Variants in CUEDC1 observed in about 807,000 individuals in gnomAD.
CUEDC1 encodes CUE domain-containing protein 1.
Under a neutral mutation model 43.7 loss-of-function variants are expected in CUEDC1, and 30 were observed. That is an observed-to-expected ratio of 0.69 (90% CI 0.51 to 0.93). The LOEUF is 0.93. CUEDC1 is among the 40% of genes least tolerant of loss of function. CUEDC1 has a pLI of 0.00. For missense variants in CUEDC1, 486 were observed against 549.0 expected (o/e 0.89, Z 1.15); for synonymous variants, 223 against 223.6 (o/e 1.00, Z 0.02).
intron 8 of CUEDC1, 114 bp from the exon 9 acceptor site, chr17:57,867,529 C>G: frequency 1.1e-6 from 1 of 904,548 alleles, no homozygotes; most frequent in Admixed American, 2.0e-5. Flanking sequence ...CCTGACACAC[C>G]CACCTGACCC....
chr17:57,877,048 G>T (rs758616314), intron 3 of CUEDC1, among the ~76,000 whole-genome samples: 15 of 152,182 alleles, frequency 9.9e-5, no homozygotes, highest in Non-Finnish European at 2.2e-4. Context: ...GAAGAAAGGG[G>T]TGGGGAGAAC....
chr17:57,922,579 GA>G (rs1439559648), intron 1 of CUEDC1: 4 of 152,184 alleles, frequency 2.6e-5, no homozygotes, highest in Non-Finnish European at 5.9e-5. Context: ...AATGGCAAAA[GA>G]AGCCTCGGGG....
At chr17:57,883,518 G>A (rs2074244440) in intron 2 of CUEDC1, among the ~76,000 whole-genome samples, 2 of 152,206 alleles carry the variant, frequency 1.3e-5, no homozygotes, top group South Asian at 4.1e-4. Context: ...GAGGTCAGGA[G>A]TTCGAGACCA....
chr17:57,889,859 C>T (rs1430004711), intron 1 of CUEDC1, among the ~76,000 whole-genome samples: 1 of 152,228 alleles, frequency 6.6e-6, no homozygotes, highest in African/African-American at 2.4e-5. Context: ...CCTCTCTCCC[C>T]CTGGCTAAGC....
At chr17:57,865,976 C>T (rs1214048158) in intron 10 of CUEDC1, among the ~76,000 whole-genome samples, 2 of 152,126 alleles carry the variant, frequency 1.3e-5, no homozygotes, top group African/African-American at 2.4e-5. Flanking sequence ...GCGCTTGCCA[C>T]CACGCCAGGC....
intron 1 of CUEDC1, among the ~76,000 whole-genome samples, chr17:57,920,003 T>G (rs2074683560): frequency 6.6e-6 from 1 of 152,202 alleles, no homozygotes; most frequent in Non-Finnish European, 1.5e-5. Flanking sequence ...ACTAAGTGCT[T>G]CACAGGCCCC....
chr17:57,886,542 A>G (rs1180807752), intron 1 of CUEDC1, among the ~76,000 whole-genome samples: 1 of 152,198 alleles, frequency 6.6e-6, no homozygotes, highest in African/African-American at 2.4e-5. Flanking sequence ...TCGGGCTAAT[A>G]GGGGAGGCCC....
chr17:57,873,002 G>T (rs17762330), intron 4 of CUEDC1, 147 bp from the exon 5 acceptor site: 2 of 746,618 alleles, frequency 2.7e-6, no homozygotes, highest in Admixed American at 6.0e-5. Context: ...ACCTGGTTGC[G>T]AGCCAAAATC....
At chr17:57,948,069 T>A (rs1051957054) in intron 1 of CUEDC1, among the ~76,000 whole-genome samples, 22 of 152,302 alleles carry the variant, frequency 1.4e-4, no homozygotes, top group South Asian at 2.1e-4. Flanking sequence ...AAGGGTTAAG[T>A]GCACTGGCCT....
chr17:57,938,002 G>A (rs2143192119), intron 1 of CUEDC1, among the ~76,000 whole-genome samples: 1 of 152,300 alleles, frequency 6.6e-6, no homozygotes, highest in African/African-American at 2.4e-5. Context: ...TAAAAAATTT[G>A]TTATAATCTG....
Position 57,885,636 on chromosome 17 carries a change from A to G in CUEDC1, c.-72T>C. ...CCTTCCCCAGGGTCTTTCCGCCGTC[A>G]GCCGCTTACTTGCCCTGCGGTCTCG... On this transcript the variant is annotated 5_prime_UTR_variant, in exon 2 of 11. Transcript: ENST00000577830. 1 of 1,332,660 alleles carries G rather than the reference A, an allele frequency of 7.5e-7. No individual in the cohort carries two copies. The highest frequency in any genetic ancestry group is 9.5e-7 in the Non-Finnish European group (1 of 1,047,564). 82.6% of individuals were successfully genotyped at this position (1,332,660 alleles called of 1,614,324 possible). A position where few individuals can be genotyped will look rare whatever the true frequency, so the allele number is the denominator to read the frequency against.
intron 1 of CUEDC1, among the ~76,000 whole-genome samples, chr17:57,929,739 G>A (rs11654872): frequency 2.8e-4 from 43 of 152,240 alleles, no homozygotes; most frequent in South Asian, 2.1e-4. Context: ...GGTTCAGCAC[G>A]TCCCCAGCTG....
rs906371863 is a variant in CUEDC1, at chr17:57,868,336, G to C, written c.941-93C>G. 4 of 1,144,518 alleles carry C rather than the reference G, an allele frequency of 3.5e-6. No homozygotes were observed. In the African/African-American group the frequency reaches 6.1e-5, roughly 18 times the overall value. The allele number at this position is 1,144,518 out of a possible 1,614,324, so 70.9% of individuals were successfully genotyped here. On this transcript the variant is annotated intron_variant, in intron 7 of 10. Transcript: ENST00000577830. ...GTGGGAAAGGCCAGGGGAGGACCAA[G>C]GCCCCCCGGAGAGGGAGCAGGGGGC...
intron 1 of CUEDC1, among the ~76,000 whole-genome samples, chr17:57,937,128 A>T (rs1048739293): frequency 2.0e-5 from 3 of 150,724 alleles, no homozygotes; most frequent in African/African-American, 7.3e-5. Context: ...CCTCATTCTT[A>T]CTCTTAAAGG....
chr17:57,906,441 T>C lies in CUEDC1; in HGVS notation c.-315-20562A>G, dbSNP rs142883483. Among the ~76,000 whole-genome samples the C allele has an allele frequency of 5.3e-3, 804 of 152,310 alleles. 4 individuals are homozygous for C. Among genetic ancestry groups the C allele is most frequent in the African/African-American group, 0.018 (767 of 41,564 alleles). On this transcript the variant is annotated intron_variant, in intron 1 of 10. Coordinates refer to ENST00000577830, the MANE Select transcript of CUEDC1 (RefSeq NM_001271875.2). ...AGAGACAGAAAGTAGAATAGAGGTTTCCAAGGACTCAGGGAAGAGGGAGAA... is the reference window on the plus strand; with the variant it reads ...AGAGACAGAAAGTAGAATAGAGGTTCCCAAGGACTCAGGGAAGAGGGAGAA...
intron 4 of CUEDC1, 86 bp from the exon 5 acceptor site, chr17:57,872,941 C>A: frequency 8.0e-7 from 1 of 1,252,378 alleles, no homozygotes; most frequent in Non-Finnish European, 1.1e-6. Context: ...TGCACACATG[C>A]CCTGTCCAAC....
chr17:57,879,849 G>A (rs901861575), intron 2 of CUEDC1, 111 bp from the exon 3 acceptor site: 1 of 1,094,030 alleles, frequency 9.1e-7, no homozygotes, highest in Admixed American at 2.9e-5. Context: ...AACTCTGTGT[G>A]TTGCTAGTGG....
chr17:57,902,479 A>C (rs2074483457), intron 1 of CUEDC1, among the ~76,000 whole-genome samples: 1 of 152,202 alleles, frequency 6.6e-6, no homozygotes, highest in Non-Finnish European at 1.5e-5. Flanking sequence ...GGTTGAATTG[A>C]GATTCATGCT....
chr17:57,920,125 G>A (rs570595792), intron 1 of CUEDC1, among the ~76,000 whole-genome samples: 2 of 152,076 alleles, frequency 1.3e-5, no homozygotes, highest in African/African-American at 4.8e-5. Flanking sequence ...GCAATTAAGG[G>A]CCCAGTAGGT....
Sources: gnomAD v4.1 joint callset for allele counts (sites outside exome capture counted in the v4.1 genomes callset) on GRCh38, gnomAD v4.1.1 for gene constraint, MANE v1.5 for transcripts, NCBI Gene and HGNC (gene_info 2026-07-23, HGNC 2026-07-21) for gene names.